ASXL3: variants seen among roughly 807,000 people sequenced by gnomAD.
ASXL3 encodes ASXL transcriptional regulator 3.
ASXL3 carries 34 observed loss-of-function variants against 170.6 expected under a neutral mutation model. That is an observed-to-expected ratio of 0.20 (90% CI 0.15 to 0.27). ASXL3 has a LOEUF of 0.27. Among genes scored for constraint, ASXL3 ranks in the 10% least tolerant of loss-of-function variants. ASXL3 has a pLI of 1.00. For missense variants in ASXL3, 2,592 were observed against 2,695.3 expected (o/e 0.96, Z 0.85); for synonymous variants, 1,002 against 989.1 (o/e 1.01, Z -0.24).
chr18:33,743,862 C>T lies in ASXL3; in HGVS notation c.4014C>T (p.Tyr1338=). ...SSASNLVSTQ[Y]TSVPTPSIGN... is the part of the protein sequence containing the mutation. Reference sequence around the variant, plus strand: ...CTAGTAACTTAGTCTCCACTCAGTACACCTCTGTGCCAACTCCCTCCATCG... The same window carrying T: ...CTAGTAACTTAGTCTCCACTCAGTATACCTCTGTGCCAACTCCCTCCATCG... Residue 1338 remains tyrosine, a synonymous_variant, in exon 12 of 12, where the codon TAC becomes TAT. Transcript: ENST00000269197. 2 of 1,614,016 alleles carry T rather than the reference C, an allele frequency of 1.2e-6. No homozygotes were observed. The highest frequency in any genetic ancestry group is 1.7e-6 in the Non-Finnish European group (2 of 1,179,884).
At chr18:33,662,258 T>C (rs1420775186) in intron 5 of ASXL3, among the ~76,000 whole-genome samples, 1 of 152,192 alleles carries the variant, frequency 6.6e-6, no homozygotes, top group Non-Finnish European at 1.5e-5. Context: ...ACAGAGGCAG[T>C]ACGGGCCTTT....
chr18:33,740,449 G>C lies in ASXL3; in HGVS notation c.3039+6G>C, dbSNP rs746939807. ...CAAGGGTTCCCCCTCTCAAGGTATG[G>C]TATTAAATAAACAAAAGGCAATTCC... On this transcript the variant is annotated splice_donor_region_variant and intron_variant, in intron 11 of 11. Coordinates refer to ENST00000269197, the MANE Select transcript of ASXL3 (RefSeq NM_030632.3). 6.5e-7 allele frequency: 1 copy of C among 1,528,224 alleles called. No individual in the cohort carries two copies. The highest frequency in any genetic ancestry group is 8.8e-7 in the Non-Finnish European group (1 of 1,142,480). The allele number at this position is 1,528,224 out of a possible 1,614,324, so 94.7% of individuals were successfully genotyped here. A position where few individuals can be genotyped will look rare whatever the true frequency, so the allele number is the denominator to read the frequency against.
At chr18:33,591,227 A>T (rs1359727953) in intron 1 of ASXL3, among the ~76,000 whole-genome samples, 2 of 151,990 alleles carry the variant, frequency 1.3e-5, no homozygotes, top group African/African-American at 4.8e-5. Flanking sequence ...TGTTTCAGAA[A>T]TTTTTTTTCT....
rs1249881083 is a variant in ASXL3, at chr18:33,749,713, A to G, written c.*3118A>G. On this transcript the variant is annotated 3_prime_UTR_variant, in exon 12 of 12. Coordinates refer to ENST00000269197, the MANE Select transcript of ASXL3 (RefSeq NM_030632.3). ...ATAGTTATATAATATTTCCCTGCGAAGGTCTAGTTTGAAGAAAAAAAAAAC... is the reference window on the plus strand; with the variant it reads ...ATAGTTATATAATATTTCCCTGCGAGGGTCTAGTTTGAAGAAAAAAAAAAC... The G allele has an allele frequency of 1.3e-5, 2 of 152,118 alleles. No individual in the cohort carries two copies. Among genetic ancestry groups the G allele is most frequent in the African/African-American group, 2.4e-5 (1 of 41,432 alleles). 9.4% of individuals were successfully genotyped at this position (152,118 alleles called of 1,614,324 possible).
At chr18:33,601,847 G>A (rs560921231) in intron 1 of ASXL3, among the ~76,000 whole-genome samples, 6 of 142,572 alleles carry the variant, frequency 4.2e-5, no homozygotes, top group East Asian at 2.0e-4. Context: ...CTGGAGTGCC[G>A]TGTTGCAATC....
chr18:33,643,352 G>A (rs1193079472), intron 2 of ASXL3, among the ~76,000 whole-genome samples: 1 of 151,802 alleles, frequency 6.6e-6, no homozygotes, highest in Non-Finnish European at 1.5e-5. Flanking sequence ...AAAATATTTT[G>A]TGAGAGAAAA....
intron 9 of ASXL3, among the ~76,000 whole-genome samples, 165 bp from the exon 10 acceptor site, chr18:33,734,145 C>G (rs1279929742): frequency 1.6e-5 from 1 of 60,740 alleles, no homozygotes; most frequent in Admixed American, 1.8e-4. Flanking sequence ...TTATGAACAT[C>G]TTGAGTGATG....
chr18:33,619,715 ATTC>A (rs758277626), intron 2 of ASXL3, among the ~76,000 whole-genome samples: 33 of 152,102 alleles, frequency 2.2e-4, no homozygotes, highest in Non-Finnish European at 4.1e-4. Flanking sequence ...ACAGATTGAA[ATTC>A]TTGTTTCTTG....
At chr18:33,589,583 G>A (rs2145096055) in intron 1 of ASXL3, among the ~76,000 whole-genome samples, 1 of 152,258 alleles carries the variant, frequency 6.6e-6, no homozygotes, top group Admixed American at 6.5e-5. Flanking sequence ...TTCATATCAA[G>A]ATAACTATTG....
intron 8 of ASXL3, among the ~76,000 whole-genome samples, chr18:33,692,319 AG>A (rs2066699236): frequency 6.6e-6 from 1 of 152,162 alleles, no homozygotes; most frequent in Non-Finnish European, 1.5e-5. Flanking sequence ...GAGGGACTGA[AG>A]CATAGAACAG....
At chr18:33,639,458 T>A (rs894783505) in intron 2 of ASXL3, among the ~76,000 whole-genome samples, 1 of 152,174 alleles carries the variant, frequency 6.6e-6, no homozygotes, top group Non-Finnish European at 1.5e-5. Context: ...ATTGTCAGTG[T>A]CTAGGTGTAT....
At chr18:33,638,601 G>A (rs1013027967) in intron 2 of ASXL3, among the ~76,000 whole-genome samples, 5 of 152,184 alleles carry the variant, frequency 3.3e-5, no homozygotes, top group African/African-American at 1.2e-4. Flanking sequence ...AAATAGAGGA[G>A]GCAGTTCTAT....
At chr18:33,713,266 T>C in intron 8 of ASXL3, among the ~76,000 whole-genome samples, 1 of 122,406 alleles carries the variant, frequency 8.2e-6, no homozygotes, top group Non-Finnish European at 1.7e-5. Flanking sequence ...TTTTTTTTTT[T>C]TTTTTTTTGA....
chr18:33,673,831 G>A (rs17635622), intron 7 of ASXL3, among the ~76,000 whole-genome samples: 12,559 of 152,164 alleles, frequency 0.083, 598 homozygotes, highest in African/African-American at 0.11. Context: ...GTTAAATATC[G>A]TGTTGCTGAA....
intron 8 of ASXL3, among the ~76,000 whole-genome samples, chr18:33,699,472 A>C (rs1192247460): frequency 6.6e-6 from 1 of 152,168 alleles, no homozygotes; most frequent in Non-Finnish European, 1.5e-5. Context: ...AGATGGAGTG[A>C]TAGAGATTAT....
chr18:33,593,945 T>A (rs2065102179), intron 1 of ASXL3, among the ~76,000 whole-genome samples: 1 of 152,182 alleles, frequency 6.6e-6, no homozygotes, highest in Non-Finnish European at 1.5e-5. Flanking sequence ...TATTTTACAT[T>A]TATATCCCCT....
At chr18:33,651,425 C>T (rs1054747120) in intron 4 of ASXL3, among the ~76,000 whole-genome samples, 1 of 151,584 alleles carries the variant, frequency 6.6e-6, no homozygotes, top group Non-Finnish European at 1.5e-5. Context: ...TGTGAGGGAG[C>T]AAGAGAGAGG....
At position 33,739,159 on chromosome 18, in the gene ASXL3, T is replaced by C. The variant is rs2067606044; in HGVS notation, c.1755T>C (p.Asn585=). 1 of 1,613,700 alleles carries C rather than the reference T, an allele frequency of 6.2e-7. No homozygotes were observed. Among genetic ancestry groups the C allele is most frequent in the African/African-American group, 1.3e-5 (1 of 75,024 alleles). Residue 585 remains asparagine (N), a synonymous_variant, in exon 11 of 12, where the codon AAT becomes AAC. Transcript: ENST00000269197. ...GSSSLEGQFP[N]EGIAIDMELQ... ...CTTCTCTAGAAGGCCAGTTTCCAAA[T>C]GAAGGAATTGCTATAGATATGGAGC...
intron 8 of ASXL3, among the ~76,000 whole-genome samples, chr18:33,730,157 T>C (rs906351514): frequency 4.6e-5 from 7 of 152,030 alleles, no homozygotes; most frequent in African/African-American, 1.2e-4. Context: ...TGTTGTCAAA[T>C]TGATAGGGAG....
Sources: allele counts gnomAD v4.1 joint callset (sites outside exome capture counted in the v4.1 genomes callset), GRCh38; gene constraint gnomAD v4.1.1; transcripts MANE v1.5; gene names NCBI Gene and HGNC (gene_info 2026-07-23, HGNC 2026-07-21).